DYNC2I1: variants seen among roughly 807,000 people sequenced by gnomAD.
DYNC2I1 encodes cytoplasmic dynein 2 intermediate chain 1.
DYNC2I1 carries 89 observed loss-of-function variants against 133.4 expected under a neutral mutation model. That is an observed-to-expected ratio of 0.67 (90% CI 0.56 to 0.80). The LOEUF (loss-of-function observed/expected upper bound fraction) is 0.80. DYNC2I1 is among the 30% of genes least tolerant of loss of function. The pLI, the probability that DYNC2I1 is intolerant of heterozygous loss-of-function variation, is 0.00. For synonymous variants in DYNC2I1, 504 were observed against 484.3 expected (o/e 1.04, Z -0.54); for missense variants, 1,291 against 1,314.5 (o/e 0.98, Z 0.28).
the DYNC2I1 span, among the ~76,000 whole-genome samples, chr7:158,842,326 C>T: frequency 3.0e-4 from 45 of 152,314 alleles, no homozygotes; most frequent in South Asian, 8.3e-3. Flanking sequence ...CACGCCCAGC[C>T]GGGGCTGGCA....
At chr7:158,902,625 C>T (rs200281002) in intron 10 of DYNC2I1, 30 bp downstream of exon 10, 27 of 1,601,462 alleles carry the variant, frequency 1.7e-5, no homozygotes, top group Middle Eastern at 3.3e-4. Flanking sequence ...TAATGGTGTC[C>T]GTGCTCTTAG....
chr7:158,929,861 G>A (rs911247231), intron 20 of DYNC2I1, among the ~76,000 whole-genome samples: 5 of 152,192 alleles, frequency 3.3e-5, no homozygotes, highest in Non-Finnish European at 5.9e-5. Context: ...AGCCATGAAC[G>A]CTTTCAGGAA....
the DYNC2I1 span, among the ~76,000 whole-genome samples, chr7:158,847,420 A>G: frequency 1.5e-4 from 23 of 152,246 alleles, 1 homozygote; most frequent in African/African-American, 5.3e-4. Flanking sequence ...AAAATTATAT[A>G]GATTAAACTA....
rs1362018680 is a variant in DYNC2I1, at chr7:158,856,705, A to T, written c.-31A>T. 8.1e-7 allele frequency: 1 copy of T among 1,232,822 alleles called. No individual in the cohort carries two copies. The highest frequency in any genetic ancestry group is 3.2e-5 in the East Asian group (1 of 31,612). The allele number at this position is 1,232,822 out of a possible 1,614,324, so 76.4% of individuals were successfully genotyped here. A position where few individuals can be genotyped will look rare whatever the true frequency, so the allele number is the denominator to read the frequency against. ...GGACCGCGCCTGGCCGGGGCCGAGGACACCGCGGCCGCCCGGGCCTGCGGG... is the reference window on the plus strand; with the variant it reads ...GGACCGCGCCTGGCCGGGGCCGAGGTCACCGCGGCCGCCCGGGCCTGCGGG... On this transcript the variant is annotated 5_prime_UTR_variant, in exon 1 of 25. Coordinates refer to ENST00000407559, the MANE Select transcript of DYNC2I1 (RefSeq NM_018051.5).
intron 4 of DYNC2I1, among the ~76,000 whole-genome samples, chr7:158,951,862 G>T (rs565988065): frequency 2.6e-5 from 4 of 152,200 alleles, no homozygotes; most frequent in Admixed American, 2.6e-4. Flanking sequence ...TGGGTGCTGT[G>T]CCTCGGGGGA....
At chr7:158,952,463 G>T (rs1200059960) in intron 4 of DYNC2I1, among the ~76,000 whole-genome samples, 2 of 152,220 alleles carry the variant, frequency 1.3e-5, no homozygotes, top group African/African-American at 4.8e-5. Flanking sequence ...CCGTGGCTGA[G>T]ATGGGGTCTC....
chr7:158,945,760 AG>A lies in DYNC2I1; in HGVS notation c.3185del (p.Gly1062GlufsTer10). 1 of 1,575,248 alleles carries A rather than the reference AG, an allele frequency of 6.3e-7. No individual in the cohort carries two copies. Among genetic ancestry groups the A allele is most frequent in the Non-Finnish European group, 8.6e-7 (1 of 1,159,860 alleles). On this transcript the variant is annotated frameshift_variant, in exon 25 of 25. Coordinates refer to ENST00000407559, the MANE Select transcript of DYNC2I1 (RefSeq NM_018051.5). LOFTEE classifies it low-confidence loss of function (END_TRUNC). The surrounding 1 kb of genome is among the most constrained non-coding windows in gnomAD (Gnocchi z 4.1). The part of the protein sequence containing the change: ...RLLLQEALWP[E>X]GKLHK ...CTTTTGCAGGAAGCCCTGTGGCCAG[AG>A]GGAAAACTGCACAAGTAGCGGGTGT...
At position 158,901,817 on chromosome 7, in the gene DYNC2I1, G is replaced by A. The variant is rs753713254; in HGVS notation, c.1137+1G>A. On this transcript the variant is annotated splice_donor_variant, in intron 9 of 24. Transcript: ENST00000407559. LOFTEE classifies it high-confidence loss of function. ...AGCCAGTTGTGAAGATGATTTTGAA[G>A]TATGTATAAAAGTTAAAACTTTCCT... is the stretch of plus-strand genomic sequence containing the variant. The A allele has an allele frequency of 1.9e-6, 3 of 1,560,180 alleles. No individual in the cohort carries two copies. Among genetic ancestry groups the A allele is most frequent in the East Asian group, 4.7e-5 (2 of 42,970 alleles).
chr7:158,924,136 G>A (rs1420236879), intron 17 of DYNC2I1, among the ~76,000 whole-genome samples: 2 of 152,190 alleles, frequency 1.3e-5, no homozygotes, highest in Non-Finnish European at 2.9e-5. Context: ...CTTGACTCGG[G>A]TGGACATTCA....
chr7:158,942,146 C>G lies in DYNC2I1; in HGVS notation c.3000C>G (p.Asn1000Lys). ...GPVAKQQVSP[N>K]RLVAMAAVGE... ...TCGCCAAACAGCAGGTCTCCCCCAA[C>G]AGGCAAGTGGGGAAGCTCTGGACCA... is the stretch of plus-strand genomic sequence containing the variant. The change falls in exon 24 of 25, where the codon AAC (asparagine) becomes AAG (lysine). Residue 1000 changes from asparagine to lysine, a missense_variant and splice_region_variant. Physicochemically the swap from Asn to Lys is moderately conservative, Grantham distance 94 (BLOSUM62 0). Transcript: ENST00000407559. 6.5e-7 allele frequency: 1 copy of G among 1,542,442 alleles called. No homozygotes were observed. The highest frequency in any genetic ancestry group is 1.2e-5 in the South Asian group (1 of 80,136).
At chr7:158,912,705 G>T (rs910893511) in intron 12 of DYNC2I1, among the ~76,000 whole-genome samples, 6 of 152,158 alleles carry the variant, frequency 3.9e-5, no homozygotes, top group Admixed American at 3.3e-4. Flanking sequence ...ATGTAGTTTT[G>T]CAAAACCAGC....
At chr7:158,944,780 A>G (rs1851713969) in intron 24 of DYNC2I1, among the ~76,000 whole-genome samples, 2 of 152,176 alleles carry the variant, frequency 1.3e-5, no homozygotes, top group Non-Finnish European at 2.9e-5. Context: ...TCAAAGGACA[A>G]GTGGGAGTGA....
At chr7:158,941,807 G>A (rs1851396882) in intron 23 of DYNC2I1, 118 bp from the exon 24 acceptor site, 3 of 1,185,456 alleles carry the variant, frequency 2.5e-6, no homozygotes, top group Non-Finnish European at 3.6e-6. Flanking sequence ...GAGCCCGGGA[G>A]GTCAAGCTGC....
downstream of DYNC2I1, among the ~76,000 whole-genome samples, chr7:158,957,924 C>T (rs1001378007): frequency 1.3e-5 from 2 of 152,350 alleles, no homozygotes; most frequent in Admixed American, 1.3e-4. Flanking sequence ...GACGTGTCAG[C>T]CACTGCCCCC....
At chr7:158,900,497 T>C (rs1023921011) in intron 8 of DYNC2I1, among the ~76,000 whole-genome samples, 1 of 152,202 alleles carries the variant, frequency 6.6e-6, no homozygotes, top group Non-Finnish European at 1.5e-5. Flanking sequence ...TTTGTCCTTA[T>C]CTGTGATTTT....
At chr7:158,953,158 CCCACAT>C (rs1852105374) in intron 4 of DYNC2I1, among the ~76,000 whole-genome samples, 1 of 127,354 alleles carries the variant, frequency 7.9e-6, no homozygotes, top group Admixed American at 8.6e-5. Context: ...ACTGAGCTGA[CCCACAT>C]GTGGCTGCTC....
chr7:158,924,514 T>G (rs1849419416), intron 17 of DYNC2I1, among the ~76,000 whole-genome samples: 1 of 152,196 alleles, frequency 6.6e-6, no homozygotes. Context: ...ACTTTTTAAA[T>G]TCCCCAACCA....
At chr7:158,898,993 A>G (rs1395008218) in intron 8 of DYNC2I1, among the ~76,000 whole-genome samples, 2 of 152,010 alleles carry the variant, frequency 1.3e-5, no homozygotes, top group African/African-American at 2.4e-5. Context: ...TTACTTGTGT[A>G]TAAGCAGACA....
chr7:158,931,466 G>A (rs1031836875), intron 21 of DYNC2I1, among the ~76,000 whole-genome samples: 12 of 152,190 alleles, frequency 7.9e-5, no homozygotes, highest in African/African-American at 2.4e-4. Context: ...TTACTGTATT[G>A]CAGAGCCAAA....
Sources: gnomAD v4.1 joint callset for allele counts (sites outside exome capture counted in the v4.1 genomes callset) on GRCh38, gnomAD v4.1.1 for gene constraint, Gnocchi (gnomAD v3.1) non-coding constraint, MANE v1.5 for transcripts, NCBI Gene and HGNC (gene_info 2026-07-23, HGNC 2026-07-21) for gene names.